The following RFTN1 variants were observed in gnomAD, a reference collection of about 807,000 sequenced individuals.
RFTN1 encodes the protein raftlin, lipid raft linker 1, also known as raftlin.
Under a neutral mutation model 46.5 loss-of-function variants are expected in RFTN1, and 26 were observed. That is an observed-to-expected ratio of 0.56 (90% CI 0.41 to 0.78). RFTN1 has a LOEUF of 0.78. Among genes scored for constraint, RFTN1 ranks in the 30% least tolerant of loss-of-function variants. RFTN1 has a pLI of 0.00. For missense variants in RFTN1, 693 were observed against 718.7 expected (o/e 0.96, Z 0.41); for synonymous variants, 261 against 284.2 (o/e 0.92, Z 0.82).
chr3:16,377,785 C>A lies in RFTN1; in HGVS notation c.759G>T (p.Gly253=). 8 of 1,614,156 alleles carry A rather than the reference C, an allele frequency of 5.0e-6. No individual in the cohort carries two copies. The highest frequency in any genetic ancestry group is 6.8e-6 in the Non-Finnish European group (8 of 1,180,012). Residue 253 remains glycine, a synonymous_variant, in exon 5 of 10, where the codon GGG becomes GGT. Coordinates refer to ENST00000334133, the MANE Select transcript of RFTN1 (RefSeq NM_015150.2). ...CCGGTCCATCCAGTGTCTTGCTCAC[C>A]CCCTGTGGTGAAAGTTCTCCACCAT... The part of the protein sequence containing the change: ...EGDGGELSPQ[G]VSKTLDGPES...
At chr3:16,430,859 T>C (rs954752002) in intron 3 of RFTN1, among the ~76,000 whole-genome samples, 2 of 152,190 alleles carry the variant, frequency 1.3e-5, no homozygotes, top group Non-Finnish European at 2.9e-5. Flanking sequence ...CTCATTCCTC[T>C]CAACAGTTTG....
chr3:16,435,939 T>TC (rs2125500609), intron 2 of RFTN1, among the ~76,000 whole-genome samples: 1 of 149,314 alleles, frequency 6.7e-6, no homozygotes, highest in South Asian at 2.1e-4. Context: ...TATATATATA[T>TC]ATATATCACA....
Position 16,317,979 on chromosome 3 carries a change from G to A in RFTN1, c.1333-747C>T, listed in dbSNP as rs2068608920. Among the ~76,000 whole-genome samples the A allele has an allele frequency of 6.6e-6, 1 of 152,186 alleles. No homozygotes were observed. Among genetic ancestry groups the A allele is most frequent in the Non-Finnish European group, 1.5e-5 (1 of 68,044 alleles). On this transcript the variant is annotated intron_variant, in intron 9 of 9. Coordinates refer to ENST00000334133, the MANE Select transcript of RFTN1 (RefSeq NM_015150.2). This position sits in a 1 kb window ranked among gnomAD's most constrained non-coding sequence, Gnocchi z 4.3. ...TCTGCCCGCTACTGTACCGACAAGT[G>A]TTCTAAGGTAACTCCCTCTAAAAAC...
At chr3:16,434,470 C>G (rs1439559952) in intron 2 of RFTN1, among the ~76,000 whole-genome samples, 1 of 152,090 alleles carries the variant, frequency 6.6e-6, no homozygotes, top group Non-Finnish European at 1.5e-5. Context: ...GGGAAGATCG[C>G]TTGAGCTGGA....
At chr3:16,379,723 A>T (rs35978986) in intron 4 of RFTN1, among the ~76,000 whole-genome samples, 24,619 of 152,248 alleles carry the variant, frequency 0.16, 2,373 homozygotes, top group East Asian at 0.29. Flanking sequence ...AGACAAAAAA[A>T]TCTTAAAGCC....
rs1203168089 is a variant in RFTN1 at position 16,348,949 on chromosome 3, C to G, written c.1146+8983G>C. 2.0e-5 allele frequency among the ~76,000 whole-genome samples: 3 copies of G among 152,192 alleles called. No individual in the cohort carries two copies. Among genetic ancestry groups the G allele is most frequent in the African/African-American group, 4.8e-5 (2 of 41,430 alleles). Reference sequence around the variant, plus strand: ...CCAAGGAGGAGGCAGAGGGAAAATTCTGGCTAAAAGAGGTAAAAGAGGGAC... The same window carrying G: ...CCAAGGAGGAGGCAGAGGGAAAATTGTGGCTAAAAGAGGTAAAAGAGGGAC... On this transcript the variant is annotated intron_variant, in intron 7 of 9. Transcript: ENST00000334133. This position sits in a 1 kb window ranked among gnomAD's most constrained non-coding sequence, Gnocchi z 6.3.
intron 7 of RFTN1, among the ~76,000 whole-genome samples, chr3:16,350,956 C>G (rs1575094778): frequency 6.6e-6 from 1 of 152,138 alleles, no homozygotes; most frequent in Non-Finnish European, 1.5e-5. Context: ...CTGGCAAATC[C>G]TAGAGTGGAT....
rs1322816693 is a variant in RFTN1 at position 16,336,479 on chromosome 3, G to T, written c.1147-9603C>A. Among the ~76,000 whole-genome samples the T allele has an allele frequency of 6.6e-6, 1 of 152,224 alleles. No homozygotes were observed. On this transcript the variant is annotated intron_variant, in intron 7 of 9. Transcript: ENST00000334133. This position sits in a 1 kb window ranked among gnomAD's most constrained non-coding sequence, Gnocchi z 6.0. ...GGCCTTCCTCACCCTCAGCCTCCCAGGCCTCTGCGGGAGGGAGGGACAGGC... is the reference window on the plus strand; with the variant it reads ...GGCCTTCCTCACCCTCAGCCTCCCATGCCTCTGCGGGAGGGAGGGACAGGC...
Position 16,322,757 on chromosome 3 carries a change from T to A in RFTN1, c.1332+619A>T, listed in dbSNP as rs1267275706. On this transcript the variant is annotated intron_variant, in intron 9 of 9. Transcript: ENST00000334133. This position sits in a 1 kb window ranked among gnomAD's most constrained non-coding sequence, Gnocchi z 6.2. ...GACTCTCTGAGAAGGCCAGTCTCTGTGCGACTGTTTCTAGGGTAGTTCAGA... is the reference window on the plus strand; with the variant it reads ...GACTCTCTGAGAAGGCCAGTCTCTGAGCGACTGTTTCTAGGGTAGTTCAGA... 6.6e-6 allele frequency among the ~76,000 whole-genome samples: 1 copy of A among 152,080 alleles called. No individual in the cohort carries two copies. The highest frequency in any genetic ancestry group is 1.5e-5 in the Non-Finnish European group (1 of 68,012).
rs1575276131 is a variant in RFTN1 at position 16,428,490 on chromosome 3, C to T, written c.332+5361G>A. 6.6e-6 allele frequency among the ~76,000 whole-genome samples: 1 copy of T among 152,188 alleles called. No homozygotes were observed. Among genetic ancestry groups the T allele is most frequent in the African/African-American group, 2.4e-5 (1 of 41,452 alleles). On this transcript the variant is annotated intron_variant, in intron 3 of 9. Transcript: ENST00000334133. The surrounding 1 kb of genome is among the most constrained non-coding windows in gnomAD (Gnocchi z 4.7). ...TTGATTGTACACATTTTCCACCTTC[C>T]ACAAGAATTTTAGAATTGCAGCCTC...
Position 16,351,193 on chromosome 3 carries a change from A to G in RFTN1, c.1146+6739T>C, listed in dbSNP as rs560778341. On this transcript the variant is annotated intron_variant, in intron 7 of 9. Transcript: ENST00000334133. This position sits in a 1 kb window ranked among gnomAD's most constrained non-coding sequence, Gnocchi z 5.4. ...AAGATGGAACAACAGGGCCACCTGAATCCACTGCAGAATGGTTTGGGTTAG... is the reference window on the plus strand; with the variant it reads ...AAGATGGAACAACAGGGCCACCTGAGTCCACTGCAGAATGGTTTGGGTTAG... Among the ~76,000 whole-genome samples the G allele has an allele frequency of 3.3e-5, 5 of 152,322 alleles. No individual in the cohort carries two copies. In the South Asian group the frequency reaches 1.0e-3, roughly 32 times the overall value.
intron 4 of RFTN1, among the ~76,000 whole-genome samples, chr3:16,405,141 C>T (rs2074821537): frequency 6.6e-6 from 1 of 152,112 alleles, no homozygotes; most frequent in Admixed American, 6.6e-5. Flanking sequence ...CCTCTGGGAG[C>T]CCTGAGGAGT....
chr3:16,396,091 G>A (rs2074461211), intron 4 of RFTN1, among the ~76,000 whole-genome samples: 1 of 152,082 alleles, frequency 6.6e-6, no homozygotes, highest in African/African-American at 2.4e-5. Flanking sequence ...ATAAGACAGA[G>A]TTGCTAAGGA....
Position 16,427,009 on chromosome 3 carries a change from C to A in RFTN1, c.332+6842G>T, listed in dbSNP as rs2075300915. Among the ~76,000 whole-genome samples, 1 of 152,128 alleles carries A rather than the reference C, an allele frequency of 6.6e-6. No individual in the cohort carries two copies. The highest frequency in any genetic ancestry group is 2.4e-5 in the African/African-American group (1 of 41,408). On this transcript the variant is annotated intron_variant, in intron 3 of 9. Coordinates refer to ENST00000334133, the MANE Select transcript of RFTN1 (RefSeq NM_015150.2). The surrounding 1 kb of genome is among the most constrained non-coding windows in gnomAD (Gnocchi z 5.4). ...ATAACAGGAGAGACTGAGATTCCAGCAATTGCTGTGTGTCGAAGGCAGGAT... is the reference window on the plus strand; with the variant it reads ...ATAACAGGAGAGACTGAGATTCCAGAAATTGCTGTGTGTCGAAGGCAGGAT...
At chr3:16,397,630 A>G (rs1040547297) in intron 4 of RFTN1, among the ~76,000 whole-genome samples, 2 of 152,192 alleles carry the variant, frequency 1.3e-5, no homozygotes, top group African/African-American at 4.8e-5. Context: ...AATAGAAAAG[A>G]GAGAAGAAAC....
chr3:16,503,778 T>A (rs1157900676), intron 1 of RFTN1, among the ~76,000 whole-genome samples: 1 of 152,208 alleles, frequency 6.6e-6, no homozygotes, highest in African/African-American at 2.4e-5. Flanking sequence ...CTCCTACATT[T>A]CTGTCCTCCT....
intron 7 of RFTN1, among the ~76,000 whole-genome samples, chr3:16,350,534 A>ACTAGG (rs2125317485): frequency 6.6e-6 from 1 of 151,852 alleles, no homozygotes; most frequent in South Asian, 2.1e-4. Flanking sequence ...ATCCATACAT[A>ACTAGG]CTATTCTGTA....
rs762713991 is a variant in RFTN1, at chr3:16,428,136, A to G, written c.332+5715T>C. Among the ~76,000 whole-genome samples the G allele has an allele frequency of 2.0e-5, 3 of 152,218 alleles. No individual in the cohort carries two copies. The highest frequency in any genetic ancestry group is 7.2e-5 in the African/African-American group (3 of 41,450). ...TTTACCTTAGAAAAATCCAAACAAAAGGGATAAATGTTTACCACTTAAAAC... is the reference window on the plus strand; with the variant it reads ...TTTACCTTAGAAAAATCCAAACAAAGGGGATAAATGTTTACCACTTAAAAC... On this transcript the variant is annotated intron_variant, in intron 3 of 9. Transcript: ENST00000334133. The surrounding 1 kb of genome is among the most constrained non-coding windows in gnomAD (Gnocchi z 4.7).
Position 16,418,826 on chromosome 3 carries a change from A to G in RFTN1, c.333-9343T>C, listed in dbSNP as rs530407632. Among the ~76,000 whole-genome samples the G allele has an allele frequency of 6.6e-6, 1 of 152,308 alleles. No homozygotes were observed. The highest frequency in any genetic ancestry group is 6.5e-5 in the Admixed American group (1 of 15,298). On this transcript the variant is annotated intron_variant, in intron 3 of 9. Transcript: ENST00000334133. The surrounding 1 kb of genome is among the most constrained non-coding windows in gnomAD (Gnocchi z 5.0). ...AAAATCTCCACTTATTCATTTGTCT[A>G]TCCATCACCTGCTTGACTGCTGACC...
Sources: gnomAD v4.1 joint callset for allele counts (sites outside exome capture counted in the v4.1 genomes callset) on GRCh38, gnomAD v4.1.1 for gene constraint, Gnocchi (gnomAD v3.1) non-coding constraint, MANE v1.5 for transcripts, NCBI Gene and HGNC (gene_info 2026-07-23, HGNC 2026-07-21) for gene names.